RBFOX1: variants seen among roughly 807,000 people sequenced by gnomAD.
RBFOX1 encodes RNA binding fox-1 homolog 1.
RBFOX1 carries 8 observed loss-of-function variants against 57.7 expected under a neutral mutation model. That is an observed-to-expected ratio of 0.14 (90% CI 0.08 to 0.25). RBFOX1 has a LOEUF of 0.25. Ranked by LOEUF, RBFOX1 falls within the 10% of genes least tolerant of loss-of-function variation. RBFOX1 has a pLI of 1.00. For synonymous variants in RBFOX1, 326 were observed against 222.4 expected (o/e 1.47, Z -4.15); for missense variants, 611 against 548.5 (o/e 1.11, Z -1.14).
At chr16:7,512,370 C>G (rs1167927459) in intron 4 of RBFOX1, among the ~76,000 whole-genome samples, 1 of 152,148 alleles carries the variant, frequency 6.6e-6, no homozygotes. Context: ...AGGGAGGAAA[C>G]AAAGACATCT....
chr16:6,255,614 A>G (rs777201248), intron 1 of RBFOX1, among the ~76,000 whole-genome samples: 11 of 152,128 alleles, frequency 7.2e-5, no homozygotes, highest in South Asian at 2.1e-4. Flanking sequence ...TCAGTTTTCA[A>G]AGTCCACAGA....
At chr16:7,659,936 C>G (rs1348575258) in intron 12 of RBFOX1, among the ~76,000 whole-genome samples, 3 of 152,026 alleles carry the variant, frequency 2.0e-5, no homozygotes, top group Non-Finnish European at 4.4e-5. Context: ...CACACACACA[C>G]CCAAATTCTA....
chr16:5,529,821 G>A (rs899511403), intron 2 of RBFOX1, among the ~76,000 whole-genome samples: 5 of 152,094 alleles, frequency 3.3e-5, no homozygotes, highest in Non-Finnish European at 7.3e-5. Context: ...ACCCACCTCA[G>A]ATTCCCAAAG....
chr16:5,525,308 A>G (rs1297371091), intron 2 of RBFOX1, among the ~76,000 whole-genome samples: 1 of 151,936 alleles, frequency 6.6e-6, no homozygotes, highest in African/African-American at 2.4e-5. Context: ...TAGTGCTTCT[A>G]AGAGTTTTAT....
chr16:5,749,234 G>A (rs993076291), intron 3 of RBFOX1, among the ~76,000 whole-genome samples: 1 of 152,126 alleles, frequency 6.6e-6, no homozygotes, highest in Non-Finnish European at 1.5e-5. Context: ...CGAGAGATCT[G>A]CTGTTAGTCT....
intron 3 of RBFOX1, among the ~76,000 whole-genome samples, chr16:5,863,688 C>G (rs1370800916): frequency 6.6e-6 from 1 of 152,192 alleles, no homozygotes; most frequent in African/African-American, 2.4e-5. Context: ...AAGTTTACCC[C>G]TTGTTTCATA....
At chr16:6,493,574 C>T (rs545927028) in intron 2 of RBFOX1, among the ~76,000 whole-genome samples, 3 of 152,180 alleles carry the variant, frequency 2.0e-5, no homozygotes, top group Non-Finnish European at 4.4e-5. Flanking sequence ...TATTTTGTGC[C>T]GAATTTCCCA....
chr16:7,640,787 G>A lies in RBFOX1; in HGVS notation c.757+10104G>A, dbSNP rs187693028. 2.5e-3 allele frequency among the ~76,000 whole-genome samples: 382 copies of A among 152,050 alleles called. 2 individuals carry two copies. Among genetic ancestry groups the A allele is most frequent in the African/African-American group, 9.0e-3 (371 of 41,448 alleles). Reference sequence around the variant, plus strand: ...TCCTTGACAAAACTCACCCTCATCCGGCCTCATCAGAGTCAAGAGAAATCC... The same window carrying A: ...TCCTTGACAAAACTCACCCTCATCCAGCCTCATCAGAGTCAAGAGAAATCC... On this transcript the variant is annotated intron_variant, in intron 11 of 15. Transcript: ENST00000550418.
chr16:7,040,889 T>G (rs79970856), intron 3 of RBFOX1, among the ~76,000 whole-genome samples: 2 of 126,698 alleles, frequency 1.6e-5, no homozygotes, highest in East Asian at 4.1e-4. Context: ...AAATAAAGTT[T>G]TTTTTTTGTT....
At chr16:6,627,637 G>T (rs1287045837) in intron 2 of RBFOX1, among the ~76,000 whole-genome samples, 2 of 152,128 alleles carry the variant, frequency 1.3e-5, no homozygotes, top group South Asian at 2.1e-4. Flanking sequence ...AATATAAGAT[G>T]TTCTTGAGAC....
chr16:6,895,906 G>T (rs1291185342), intron 3 of RBFOX1, among the ~76,000 whole-genome samples: 1 of 148,208 alleles, frequency 6.7e-6, no homozygotes, highest in Non-Finnish European at 1.5e-5. Flanking sequence ...TTTGTAAAAT[G>T]TTTTTTTAAT....
intron 3 of RBFOX1, among the ~76,000 whole-genome samples, chr16:6,864,475 C>G (rs1567617847): frequency 6.6e-6 from 1 of 151,364 alleles, no homozygotes; most frequent in African/African-American, 2.4e-5. Flanking sequence ...GTATAAATGA[C>G]ATAATCTCAA....
intron 3 of RBFOX1, among the ~76,000 whole-genome samples, chr16:5,630,211 C>A (rs568683639): frequency 6.6e-6 from 1 of 152,150 alleles, no homozygotes; most frequent in Non-Finnish European, 1.5e-5. Flanking sequence ...AATCCCAGGA[C>A]TTTGGGAGGT....
intron 4 of RBFOX1, among the ~76,000 whole-genome samples, chr16:7,105,181 C>G (rs2063354018): frequency 6.6e-6 from 1 of 152,062 alleles, no homozygotes. Flanking sequence ...ATCCATTAAC[C>G]AGTCACATTG....
chr16:7,138,936 G>T (rs934392580), intron 4 of RBFOX1, among the ~76,000 whole-genome samples: 1 of 152,062 alleles, frequency 6.6e-6, no homozygotes, highest in Non-Finnish European at 1.5e-5. Flanking sequence ...AGCCTCCCAA[G>T]TAGCTAAGAT....
chr16:7,149,420 C>T (rs1424774676), intron 4 of RBFOX1, among the ~76,000 whole-genome samples: 2 of 152,012 alleles, frequency 1.3e-5, no homozygotes, highest in African/African-American at 4.8e-5. Context: ...TTGCTTAAGA[C>T]CACTGTCTTT....
chr16:7,025,206 G>A (rs1228951493), intron 3 of RBFOX1, among the ~76,000 whole-genome samples: 2 of 152,156 alleles, frequency 1.3e-5, no homozygotes, highest in Admixed American at 1.3e-4. Context: ...TAAACAAGGG[G>A]TGAATTACTC....
chr16:7,492,850 C>T (rs1309189563), intron 4 of RBFOX1, among the ~76,000 whole-genome samples: 2 of 152,128 alleles, frequency 1.3e-5, no homozygotes, highest in Admixed American at 6.5e-5. Flanking sequence ...TCCCTGAGAC[C>T]TCCCCAGAAG....
At position 7,079,386 on chromosome 16, in the gene RBFOX1, AAC is replaced by A. The variant is rs376256030; in HGVS notation, c.27+27292_27+27293del. Reference sequence around the variant, plus strand: ...TATGCTGAGCAGGTACAACAAAGAAAACACAGAATGCTTCATATGGAAAGTTC... The same window carrying A: ...TATGCTGAGCAGGTACAACAAAGAAAACAGAATGCTTCATATGGAAAGTTC... On this transcript the variant is annotated intron_variant, in intron 4 of 15. Transcript: ENST00000550418. Among the ~76,000 whole-genome samples the A allele has an allele frequency of 3.2e-4, 48 of 152,260 alleles. No homozygotes were observed. In the East Asian group the frequency reaches 6.2e-3, roughly 20 times the overall value.
Sources: allele counts gnomAD v4.1 joint callset (sites outside exome capture counted in the v4.1 genomes callset), GRCh38; gene constraint gnomAD v4.1.1; transcripts MANE v1.5; gene names NCBI Gene and HGNC (gene_info 2026-07-23, HGNC 2026-07-21).